Variants in SUSD4 observed in about 807,000 individuals in gnomAD.
SUSD4 encodes the protein sushi domain containing 4, also known as sushi domain-containing protein 4.
SUSD4 carries 41 observed loss-of-function variants against 50.5 expected under a neutral mutation model. The observed-to-expected ratio is 0.81, with a 90% CI of 0.63 to 1.05. The LOEUF is 1.05. Among genes scored for constraint, SUSD4 ranks in the 50% least tolerant of loss-of-function variants. The pLI is 0.00. For synonymous variants in SUSD4, 257 were observed against 257.3 expected (o/e 1.00, Z 0.01); for missense variants, 580 against 634.7 (o/e 0.91, Z 0.93).
At chr1:223,300,673 G>A (rs1309905962) in intron 2 of SUSD4, among the ~76,000 whole-genome samples, 1 of 152,164 alleles carries the variant, frequency 6.6e-6, no homozygotes, top group Admixed American at 6.5e-5. Context: ...CACAAAAATT[G>A]ATTTTGTATG....
chr1:223,273,366 T>C (rs748524613), intron 3 of SUSD4, among the ~76,000 whole-genome samples: 54 of 152,204 alleles, frequency 3.5e-4, no homozygotes, highest in Admixed American at 7.2e-4. Context: ...GTTTCCCATA[T>C]GTACAGTAAA....
At chr1:223,241,915 G>T (rs116449550) in intron 5 of SUSD4, among the ~76,000 whole-genome samples, 4 of 152,052 alleles carry the variant, frequency 2.6e-5, no homozygotes, top group Admixed American at 1.3e-4. Context: ...TCCCCTTTAC[G>T]GTGGCCTGGG....
chr1:223,262,859 C>T (rs1317019391), intron 5 of SUSD4, among the ~76,000 whole-genome samples: 1 of 152,176 alleles, frequency 6.6e-6, no homozygotes, highest in African/African-American at 2.4e-5. Context: ...CAGCTGTCAG[C>T]CAGGGTTTTC....
chr1:223,256,035 A>G (rs851200), intron 5 of SUSD4, among the ~76,000 whole-genome samples: 6,553 of 152,284 alleles, frequency 0.043, 469 homozygotes, highest in African/African-American at 0.15. Flanking sequence ...CCTGGTTGGC[A>G]CCAGCGCCTT....
At chr1:223,236,785 T>C (rs904934530) in intron 5 of SUSD4, among the ~76,000 whole-genome samples, 2 of 152,148 alleles carry the variant, frequency 1.3e-5, no homozygotes, top group Non-Finnish European at 2.9e-5. Context: ...GGTCAGGCAA[T>C]GTCAGTCCTC....
intron 2 of SUSD4, among the ~76,000 whole-genome samples, chr1:223,340,912 C>A (rs1667719550): frequency 6.6e-6 from 1 of 152,166 alleles, no homozygotes; most frequent in South Asian, 2.1e-4. Flanking sequence ...CCTCATCCAC[C>A]TAATTCCCTC....
intron 2 of SUSD4, among the ~76,000 whole-genome samples, chr1:223,322,594 T>G (rs1259968783): frequency 1.3e-5 from 2 of 152,076 alleles, no homozygotes; most frequent in South Asian, 2.1e-4. Flanking sequence ...GGTAGGAGAT[T>G]AGAAGGGTAG....
At chr1:223,261,498 G>T (rs1281190852) in intron 5 of SUSD4, among the ~76,000 whole-genome samples, 1 of 152,158 alleles carries the variant, frequency 6.6e-6, no homozygotes, top group Non-Finnish European at 1.5e-5. Flanking sequence ...AATAGTACCT[G>T]CTTCCAAATG....
intron 5 of SUSD4, among the ~76,000 whole-genome samples, chr1:223,239,915 T>C (rs1490991359): frequency 6.6e-6 from 1 of 152,216 alleles, no homozygotes; most frequent in Non-Finnish European, 1.5e-5. Context: ...TTCTGACCTA[T>C]ATTACTTTCT....
rs754877204 is a variant in SUSD4 at position 223,363,432 on chromosome 1, T to A, written c.-7A>T. 3.7e-5 allele frequency: 57 copies of A among 1,541,266 alleles called. No homozygotes were observed. The highest frequency in any genetic ancestry group is 4.6e-5 in the Non-Finnish European group (53 of 1,140,654). ...GGTTCATTCCATGATACATCTTTCA[T>A]CCACAGAGGGCATCCAGCTTGCAAG... On this transcript the variant is annotated 5_prime_UTR_variant, in exon 2 of 9. An upstream start codon of the reference 5' UTR is lost. Coordinates refer to ENST00000366878, the MANE Select transcript of SUSD4 (RefSeq NM_017982.4).
intron 3 of SUSD4, among the ~76,000 whole-genome samples, chr1:223,289,686 G>A (rs1664361540): frequency 6.6e-6 from 1 of 152,198 alleles, no homozygotes; most frequent in African/African-American, 2.4e-5. Flanking sequence ...CTCTGGGAAG[G>A]CTCTTACCTT....
chr1:223,254,791 A>T (rs535918114), intron 5 of SUSD4, among the ~76,000 whole-genome samples: 14 of 152,350 alleles, frequency 9.2e-5, no homozygotes, highest in African/African-American at 3.4e-4. Context: ...TACAGTGGCA[A>T]TTACTTATTG....
At chr1:223,245,146 T>C (rs1660831854) in intron 5 of SUSD4, among the ~76,000 whole-genome samples, 1 of 152,076 alleles carries the variant, frequency 6.6e-6, no homozygotes, top group African/African-American at 2.4e-5. Context: ...TTTTGATAGA[T>C]ACTTTCAATA....
chr1:223,327,444 C>G (rs1666939382), intron 2 of SUSD4, among the ~76,000 whole-genome samples: 1 of 152,182 alleles, frequency 6.6e-6, no homozygotes, highest in African/African-American at 2.4e-5. Flanking sequence ...TAAAACTCAT[C>G]CATGTAACAA....
At chr1:223,354,340 CA>C (rs202177795) in intron 2 of SUSD4, among the ~76,000 whole-genome samples, 550 of 134,224 alleles carry the variant, frequency 4.1e-3, no homozygotes, top group Middle Eastern at 0.028. Context: ...CCTCAGCCTC[CA>C]AAAAAAAAAA....
intron 2 of SUSD4, among the ~76,000 whole-genome samples, chr1:223,301,671 G>A (rs1159083318): frequency 1.3e-5 from 2 of 152,132 alleles, no homozygotes; most frequent in Non-Finnish European, 2.9e-5. Context: ...ATATCTCTGT[G>A]CATCAATAAC....
At chr1:223,323,446 C>T (rs1243034459) in intron 2 of SUSD4, among the ~76,000 whole-genome samples, 5 of 151,848 alleles carry the variant, frequency 3.3e-5, no homozygotes. Flanking sequence ...CCCCAGAGAG[C>T]ACTCACAAGA....
chr1:223,311,107 A>G (rs1665846757), intron 2 of SUSD4, among the ~76,000 whole-genome samples: 1 of 152,248 alleles, frequency 6.6e-6, no homozygotes, highest in South Asian at 2.1e-4. Context: ...TGGTGTTCAC[A>G]CTAGGCAGGT....
chr1:223,314,713 CTCTCT>C (rs1013117568), intron 2 of SUSD4, among the ~76,000 whole-genome samples: 5 of 152,066 alleles, frequency 3.3e-5, no homozygotes, highest in African/African-American at 4.8e-5. Flanking sequence ...CTTGCACGAG[CTCTCT>C]TCTCTTGTCT....
Sources: allele counts gnomAD v4.1 joint callset (sites outside exome capture counted in the v4.1 genomes callset), GRCh38; gene constraint gnomAD v4.1.1; transcripts MANE v1.5; gene names NCBI Gene and HGNC (gene_info 2026-07-23, HGNC 2026-07-21).